Variants in GRID1 observed in about 807,000 individuals in gnomAD.
GRID1 encodes glutamate ionotropic receptor delta type subunit 1, also known as glutamate receptor ionotropic, delta-1.
A neutral mutation model predicts 98.0 loss-of-function variants in GRID1; 28 were observed. The observed-to-expected ratio is 0.29, with a 90% CI of 0.21 to 0.39. The LOEUF is 0.39. Ranked by LOEUF, GRID1 falls within the 10% of genes least tolerant of loss-of-function variation. The pLI is 1.00. For missense variants in GRID1, 1,111 were observed against 1,340.5 expected (o/e 0.83, Z 2.67); for synonymous variants, 553 against 538.5 (o/e 1.03, Z -0.37).
At chr10:85,673,075 T>A (rs1178020516) in intron 12 of GRID1, among the ~76,000 whole-genome samples, 2 of 152,224 alleles carry the variant, frequency 1.3e-5, no homozygotes, top group South Asian at 4.1e-4. Context: ...CCAACCCTGA[T>A]GGATGACTTT....
chr10:86,161,807 T>C lies in GRID1; in HGVS notation c.521-22783A>G, dbSNP rs763328304. Among the ~76,000 whole-genome samples, 8 of 152,212 alleles carry C rather than the reference T, an allele frequency of 5.3e-5. No individual in the cohort carries two copies. The South Asian group carries it at 1.0e-3, about 20-fold the overall frequency. ...TCACAATGGAACTGGATCACTGAAA[T>C]GGCCGGAGGTGGAGGAATTGATAAC... On this transcript the variant is annotated intron_variant, in intron 3 of 15. Coordinates refer to ENST00000327946, the MANE Select transcript of GRID1 (RefSeq NM_017551.3).
At chr10:86,115,899 C>A (rs1016510070) in intron 4 of GRID1, among the ~76,000 whole-genome samples, 1 of 152,222 alleles carries the variant, frequency 6.6e-6, no homozygotes, top group Non-Finnish European at 1.5e-5. Flanking sequence ...TGAATTTTTA[C>A]TGTACCTTTT....
chr10:85,953,177 G>A (rs1190687839), intron 4 of GRID1, among the ~76,000 whole-genome samples: 1 of 151,920 alleles, frequency 6.6e-6, no homozygotes, highest in Non-Finnish European at 1.5e-5. Context: ...ATGCACCATG[G>A]AATACTATGC....
intron 5 of GRID1, among the ~76,000 whole-genome samples, chr10:85,881,792 A>T: frequency 6.6e-6 from 1 of 152,210 alleles, no homozygotes; most frequent in Non-Finnish European, 1.5e-5. Context: ...ATTAAACTAA[A>T]GAGCTTCTGC....
chr10:86,364,259 C>T (rs893154300), intron 1 of GRID1, among the ~76,000 whole-genome samples, 163 bp from the exon 2 acceptor site: 1 of 152,192 alleles, frequency 6.6e-6, no homozygotes, highest in African/African-American at 2.4e-5. Flanking sequence ...CCGATCTCCA[C>T]CTGCACAGGA....
At chr10:85,721,859 C>A (rs1427156312) in intron 12 of GRID1, among the ~76,000 whole-genome samples, 1 of 152,112 alleles carries the variant, frequency 6.6e-6, no homozygotes, top group African/African-American at 2.4e-5. Flanking sequence ...CACAGACACA[C>A]AGAGAGATGA....
At chr10:85,730,294 C>T (rs746404218) in intron 8 of GRID1, among the ~76,000 whole-genome samples, 1 of 152,234 alleles carries the variant, frequency 6.6e-6, no homozygotes, top group Non-Finnish European at 1.5e-5. Flanking sequence ...GAGAACCTAC[C>T]TTGGCTCAGA....
At chr10:86,229,378 C>T (rs1299219169) in intron 2 of GRID1, among the ~76,000 whole-genome samples, 4 of 152,142 alleles carry the variant, frequency 2.6e-5, no homozygotes, top group African/African-American at 9.7e-5. Context: ...AGCCAGGCTG[C>T]CAAGGTTAAA....
chr10:85,672,428 C>T (rs1472899288), intron 12 of GRID1, among the ~76,000 whole-genome samples: 1 of 152,140 alleles, frequency 6.6e-6, no homozygotes, highest in Non-Finnish European at 1.5e-5. Context: ...CTGTCTCTGC[C>T]TCCTGAGTAG....
chr10:86,279,743 G>C (rs1436737615), intron 2 of GRID1, among the ~76,000 whole-genome samples: 2 of 152,164 alleles, frequency 1.3e-5, no homozygotes, highest in Non-Finnish European at 2.9e-5. Flanking sequence ...AGAATTTCCA[G>C]CCATTGCAAT....
intron 5 of GRID1, among the ~76,000 whole-genome samples, chr10:85,908,650 T>C (rs1274232174): frequency 1.3e-5 from 2 of 152,146 alleles, no homozygotes; most frequent in African/African-American, 2.4e-5. Flanking sequence ...CCAAATAAAA[T>C]CCCAGTCAGC....
At chr10:86,175,416 A>G (rs1298642303) in intron 3 of GRID1, among the ~76,000 whole-genome samples, 1 of 151,640 alleles carries the variant, frequency 6.6e-6, no homozygotes, top group Non-Finnish European at 1.5e-5. Context: ...CTCCCTCTTG[A>G]TACCATGATC....
At chr10:85,674,716 T>TC (rs1841125054) in intron 12 of GRID1, among the ~76,000 whole-genome samples, 1 of 150,648 alleles carries the variant, frequency 6.6e-6, no homozygotes, top group Admixed American at 6.6e-5. Context: ...ATTGCAGGTT[T>TC]TTTTTTTTTT....
At chr10:86,049,843 C>T (rs1843476517) in intron 4 of GRID1, among the ~76,000 whole-genome samples, 1 of 152,204 alleles carries the variant, frequency 6.6e-6, no homozygotes. Flanking sequence ...ATCGTTTAAG[C>T]CCAGCAAGCT....
chr10:86,173,092 C>A (rs972125275), intron 3 of GRID1, among the ~76,000 whole-genome samples: 1 of 152,226 alleles, frequency 6.6e-6, no homozygotes, highest in Non-Finnish European at 1.5e-5. Context: ...GGCTGGAGTG[C>A]AGTGGCCCAA....
intron 2 of GRID1, among the ~76,000 whole-genome samples, chr10:86,243,831 G>A (rs1413983569): frequency 6.6e-6 from 1 of 152,198 alleles, no homozygotes; most frequent in African/African-American, 2.4e-5. Context: ...AAGGCGGGCA[G>A]ATGTCACGGC....
chr10:86,076,070 G>T (rs760609759), intron 4 of GRID1, among the ~76,000 whole-genome samples: 3 of 152,174 alleles, frequency 2.0e-5, no homozygotes, highest in Non-Finnish European at 2.9e-5. Flanking sequence ...TAAATCAAAT[G>T]GCCCCTATTT....
intron 12 of GRID1, among the ~76,000 whole-genome samples, chr10:85,714,086 A>G (rs1169738813): frequency 2.6e-5 from 4 of 152,026 alleles, no homozygotes; most frequent in African/African-American, 9.7e-5. Context: ...AAAAAAGAAG[A>G]AGATAATATT....
At chr10:86,347,068 A>G (rs1385672559) in intron 2 of GRID1, among the ~76,000 whole-genome samples, 2 of 130,194 alleles carry the variant, frequency 1.5e-5, no homozygotes, top group Admixed American at 8.1e-5. Context: ...GCCCAGCCCC[A>G]CCCTCCTGCC....
Sources: allele counts gnomAD v4.1 joint callset (sites outside exome capture counted in the v4.1 genomes callset), GRCh38; gene constraint gnomAD v4.1.1; transcripts MANE v1.5; gene names NCBI Gene and HGNC (gene_info 2026-07-23, HGNC 2026-07-21).